Variants in CHRM2 observed in about 807,000 individuals in gnomAD.
CHRM2 encodes the protein muscarinic acetylcholine receptor M2.
Under a neutral mutation model 25.0 loss-of-function variants are expected in CHRM2, and 8 were observed. The ratio of observed to expected loss-of-function variants is 0.32; its 90% confidence interval spans 0.19 to 0.58. The LOEUF (loss-of-function observed/expected upper bound fraction) is 0.58. CHRM2 is among the 20% of genes least tolerant of loss of function. The pLI is 0.88. For missense variants in CHRM2, 440 were observed against 567.1 expected, an observed-to-expected ratio of 0.78 and a Z score of 2.28; for synonymous variants, 202 against 205.7, an observed-to-expected ratio of 0.98 and a Z score of 0.15.
rs1366897269 is a variant in CHRM2 at position 137,014,182 on chromosome 7, T to C, written c.-46-638T>C. 2.0e-5 allele frequency among the ~76,000 whole-genome samples: 3 copies of C among 152,146 alleles called. No homozygotes were observed. In the East Asian group the frequency reaches 5.8e-4, roughly 30 times the overall value. The stretch of plus-strand genomic sequence containing the variant: ...AGATATGGAATATTGGAAATGCTGA[T>C]TATGTAATACTGATTACAAGTATGA... On this transcript the variant is annotated intron_variant, in intron 3 of 3. Transcript: ENST00000680005.
chr7:137,000,423 C>G (rs144791821), intron 3 of CHRM2, among the ~76,000 whole-genome samples: 2,076 of 151,138 alleles, frequency 0.014, 26 homozygotes, highest in Non-Finnish European at 0.02. Context: ...TGGTCTCATA[C>G]TCCTGACCTC....
At chr7:136,917,084 G>A (rs185677751) in intron 2 of CHRM2, among the ~76,000 whole-genome samples, 10 of 150,956 alleles carry the variant, frequency 6.6e-5, no homozygotes, top group East Asian at 2.0e-4. Flanking sequence ...GCAAATAAGC[G>A]TGTTATGAAT....
chr7:137,003,959 T>C (rs973375808), intron 3 of CHRM2, among the ~76,000 whole-genome samples: 2 of 152,136 alleles, frequency 1.3e-5, no homozygotes, highest in Non-Finnish European at 2.9e-5. Flanking sequence ...CTTCCCCTTC[T>C]GCCATGCTTG....
intron 2 of CHRM2, among the ~76,000 whole-genome samples, chr7:136,974,090 AAAAT>A (rs1801959082): frequency 1.3e-5 from 2 of 152,302 alleles, no homozygotes; most frequent in South Asian, 2.1e-4. Context: ...AATCATAAAT[AAAAT>A]AAATAAAATT....
intron 2 of CHRM2, among the ~76,000 whole-genome samples, chr7:136,920,714 A>G (rs561585202): frequency 6.6e-6 from 1 of 152,200 alleles, no homozygotes; most frequent in Admixed American, 6.5e-5. Flanking sequence ...TTAGATTCCT[A>G]TCATTGTTTC....
At chr7:136,960,897 G>T (rs1801030334) in intron 2 of CHRM2, among the ~76,000 whole-genome samples, 1 of 152,108 alleles carries the variant, frequency 6.6e-6, no homozygotes, top group Non-Finnish European at 1.5e-5. Context: ...AGACTGAGGT[G>T]GGCAGACCAC....
In CHRM2 at chr7:136,959,305, G is replaced by T. The variant is rs1265262389; in HGVS notation, c.-124-32882G>T. On this transcript the variant is annotated intron_variant, in intron 2 of 3. Transcript: ENST00000680005. ...AACTCAGAGTATGAATTTTAAAGGA[G>T]GTTATGCCCTTCTGACCAAGATAAG... is the stretch of plus-strand genomic sequence containing the variant. Among the ~76,000 whole-genome samples the T allele has an allele frequency of 2.0e-5, 3 of 152,142 alleles. No individual in the cohort carries two copies. In the East Asian group the frequency reaches 5.8e-4, roughly 29 times the overall value.
chr7:136,965,479 G>C (rs760457215), intron 2 of CHRM2, among the ~76,000 whole-genome samples: 17 of 151,958 alleles, frequency 1.1e-4, no homozygotes, highest in Admixed American at 4.6e-4. Context: ...GTTTTATTTT[G>C]CATATTAATT....
chr7:136,915,103 T>G lies in CHRM2; in HGVS notation c.-125+45685T>G, dbSNP rs546361138. On this transcript the variant is annotated intron_variant, in intron 2 of 3. Transcript: ENST00000680005. ...ATTAATGAATTACAGGCTTCTACTG[T>G]AATGCTGACATCATTCTGGTTAAGA... Among the ~76,000 whole-genome samples, 5 of 152,004 alleles carry G rather than the reference T, an allele frequency of 3.3e-5. No homozygotes were observed. In the South Asian group the frequency reaches 1.0e-3, roughly 32 times the overall value.
chr7:136,991,747 A>G (rs1166693451), intron 2 of CHRM2, among the ~76,000 whole-genome samples: 1 of 152,186 alleles, frequency 6.6e-6, no homozygotes, highest in East Asian at 1.9e-4. Context: ...TGATAAAATT[A>G]TATGCATAAT....
intron 2 of CHRM2, among the ~76,000 whole-genome samples, chr7:136,973,278 G>T (rs1332529517): frequency 2.8e-5 from 3 of 105,846 alleles, no homozygotes; most frequent in African/African-American, 1.2e-4. Flanking sequence ...ACGGTGTTAG[G>T]GATGGTGGCA....
intron 2 of CHRM2, among the ~76,000 whole-genome samples, chr7:136,881,668 A>C (rs186098748): frequency 1.3e-4 from 20 of 152,110 alleles, no homozygotes; most frequent in Admixed American, 1.3e-3. Flanking sequence ...TGTAGTTTTT[A>C]ACTGTCTTTA....
intron 2 of CHRM2, among the ~76,000 whole-genome samples, chr7:136,976,167 T>C (rs572132589): frequency 4.6e-5 from 7 of 152,130 alleles, no homozygotes; most frequent in Admixed American, 2.6e-4. Context: ...ATGGAGTATA[T>C]TTAGGGGAAC....
chr7:136,981,776 C>T (rs960535729), intron 2 of CHRM2, among the ~76,000 whole-genome samples: 20 of 152,036 alleles, frequency 1.3e-4, no homozygotes, highest in African/African-American at 4.8e-4. Context: ...GTTTCTTAAT[C>T]CTGAGTTCTA....
intron 2 of CHRM2, among the ~76,000 whole-genome samples, chr7:136,921,333 C>T (rs1292908645): frequency 1.3e-5 from 2 of 152,092 alleles, no homozygotes; most frequent in African/African-American, 4.8e-5. Context: ...TTCATTGTCT[C>T]CAGTGAGGTC....
intron 2 of CHRM2, among the ~76,000 whole-genome samples, chr7:136,950,577 T>C (rs948018188): frequency 1.3e-5 from 2 of 152,116 alleles, no homozygotes; most frequent in Non-Finnish European, 2.9e-5. Context: ...ACTGTAGGAA[T>C]TGAAATTGCA....
chr7:137,007,675 C>T (rs1433993227), intron 3 of CHRM2, among the ~76,000 whole-genome samples: 1 of 152,082 alleles, frequency 6.6e-6, no homozygotes, highest in Non-Finnish European at 1.5e-5. Flanking sequence ...GCTAGCAGGG[C>T]TGGACTGTCT....
At position 136,906,961 on chromosome 7, in the gene CHRM2, C is replaced by T. The variant is rs190299871; in HGVS notation, c.-125+37543C>T. 97 of 154,142 alleles carry T rather than the reference C, an allele frequency of 6.3e-4. 1 individual carries two copies. The highest frequency in any genetic ancestry group is 6.5e-3 in the Middle Eastern group (2 of 308). The allele number at this position is 154,142 out of a possible 1,614,324, so 9.5% of individuals were successfully genotyped here. ...GCTTCTTTTCCCGCAACTAGATGGCCCCATCTGGGGGTGATGGGAGACAGT... is the reference window on the plus strand; with the variant it reads ...GCTTCTTTTCCCGCAACTAGATGGCTCCATCTGGGGGTGATGGGAGACAGT... On this transcript the variant is annotated intron_variant, in intron 2 of 3. Coordinates refer to ENST00000680005, the MANE Select transcript of CHRM2 (RefSeq NM_001006630.2).
intron 2 of CHRM2, among the ~76,000 whole-genome samples, chr7:136,977,623 G>A (rs1427156259): frequency 1.3e-5 from 2 of 152,282 alleles, no homozygotes; most frequent in South Asian, 4.1e-4. Flanking sequence ...GACTTGAATG[G>A]TCTTATCCAA....
Sources: gnomAD v4.1 joint callset for allele counts (sites outside exome capture counted in the v4.1 genomes callset) on GRCh38, gnomAD v4.1.1 for gene constraint, MANE v1.5 for transcripts, NCBI Gene and HGNC (gene_info 2026-07-23, HGNC 2026-07-21) for gene names.